SV2B: variants seen among roughly 807,000 people sequenced by gnomAD.
SV2B encodes the protein synaptic vesicle glycoprotein 2B.
In SV2B, 41 loss-of-function variants were observed where a neutral mutation model predicts 73.9. The observed-to-expected ratio is 0.56, with a 90% CI of 0.43 to 0.72. SV2B has a LOEUF of 0.72. SV2B is among the 30% of genes least tolerant of loss of function. The probability of loss-of-function intolerance (pLI) is 0.00; values close to 1 mark genes in which losing one functional copy is unlikely to be tolerated. For synonymous variants in SV2B, 314 were observed against 314.2 expected (o/e 1.00, Z 0.01); for missense variants, 764 against 857.8 (o/e 0.89, Z 1.37).
intron 2 of SV2B, among the ~76,000 whole-genome samples, chr15:91,237,449 A>G (rs373224583): frequency 6.6e-6 from 1 of 152,238 alleles, no homozygotes; most frequent in African/African-American, 2.4e-5. Flanking sequence ...ACTGCACTAG[A>G]TGAATGTCCT....
intron 1 of SV2B, among the ~76,000 whole-genome samples, chr15:91,145,781 A>T (rs2043129787): frequency 6.6e-6 from 1 of 152,194 alleles, no homozygotes; most frequent in Non-Finnish European, 1.5e-5. Flanking sequence ...GGCTGCATTT[A>T]TGTCTTCTTT....
intron 1 of SV2B, among the ~76,000 whole-genome samples, chr15:91,189,975 G>A (rs748572119): frequency 5.3e-5 from 8 of 151,602 alleles, no homozygotes; most frequent in Non-Finnish European, 1.2e-4. Context: ...GCGACAGAGC[G>A]AGACGCCATC....
chr15:91,252,480 G>C lies in SV2B; in HGVS notation c.744G>C (p.Leu248=). The C allele has an allele frequency of 6.2e-7, 1 of 1,613,494 alleles. No individual in the cohort carries two copies. Among genetic ancestry groups the C allele is most frequent in the Non-Finnish European group, 8.5e-7 (1 of 1,179,676 alleles). ...WLGIFWMTGG[L]YASAMAWSII... ...GCATCTTCTGGATGACTGGGGGCCT[G>C]TACGCATCTGCCATGGCCTGGAGCA... The change falls in exon 4 of 13, where the codon CTG becomes CTC. Residue 248 remains leucine, a synonymous_variant. Transcript: ENST00000394232. This position sits in a 1 kb window ranked among gnomAD's most constrained non-coding sequence, Gnocchi z 4.6.
intron 9 of SV2B, among the ~76,000 whole-genome samples, chr15:91,279,771 A>G (rs772277060): frequency 8.5e-5 from 13 of 152,250 alleles, no homozygotes; most frequent in Non-Finnish European, 1.5e-4. Context: ...AAGAAAAGCA[A>G]AGGTCTGCAA....
rs753326986 is a variant in SV2B at position 91,242,476 on chromosome 15, C to T, written c.452-9343C>T. Among the ~76,000 whole-genome samples, 30 of 152,182 alleles carry T rather than the reference C, an allele frequency of 2.0e-4. No homozygotes were observed. Among genetic ancestry groups the T allele is most frequent in the African/African-American group, 5.8e-4 (24 of 41,438 alleles). On this transcript the variant is annotated intron_variant, in intron 2 of 12. Coordinates refer to ENST00000394232, the MANE Select transcript of SV2B (RefSeq NM_001323032.3). This position sits in a 1 kb window ranked among gnomAD's most constrained non-coding sequence, Gnocchi z 4.9. ...GTGGTGGCCTGCTAACTGATCTTTA[C>T]GATTCCACCTGTTGGAGGGAGAGGC...
chr15:91,206,886 A>G (rs999475289), intron 1 of SV2B, among the ~76,000 whole-genome samples: 7 of 152,152 alleles, frequency 4.6e-5, no homozygotes, highest in African/African-American at 1.7e-4. Flanking sequence ...AGGATCTTTT[A>G]TTTGGACACA....
Position 91,193,444 on chromosome 15 carries a change from G to C in SV2B, c.-391-32429G>C, listed in dbSNP as rs181387657. On this transcript the variant is annotated intron_variant, in intron 1 of 12. Transcript: ENST00000394232. ...AAAAACAAAAACAAAATCAGAGCCA[G>C]GGAACCCCCTTTGGGTGATCCAGAC... is the stretch of plus-strand genomic sequence containing the variant. Among the ~76,000 whole-genome samples the C allele has an allele frequency of 7.2e-5, 11 of 152,264 alleles. No homozygotes were observed. The East Asian group carries it at 1.5e-3, about 21-fold the overall frequency.
At chr15:91,180,826 C>T (rs1309423538) in intron 1 of SV2B, among the ~76,000 whole-genome samples, 1 of 152,074 alleles carries the variant, frequency 6.6e-6, no homozygotes, top group Non-Finnish European at 1.5e-5. Context: ...AACTTCTTTG[C>T]CTTTGGTTTG....
chr15:91,262,834 G>C (rs77951693), intron 6 of SV2B, among the ~76,000 whole-genome samples: 4,546 of 152,300 alleles, frequency 0.03, 150 homozygotes, highest in East Asian at 0.093. Context: ...TGCTCCCGCT[G>C]TGCTGCGGGT....
chr15:91,119,352 T>C (rs1334381480), intron 1 of SV2B, among the ~76,000 whole-genome samples: 2 of 152,248 alleles, frequency 1.3e-5, no homozygotes, highest in African/African-American at 4.8e-5. Flanking sequence ...GCAATTCATT[T>C]GTTCTCATGC....
At chr15:91,143,006 G>C (rs758389366) in intron 1 of SV2B, among the ~76,000 whole-genome samples, 16 of 152,224 alleles carry the variant, frequency 1.1e-4, no homozygotes, top group Non-Finnish European at 2.2e-4. Context: ...TGCTGCTTCA[G>C]TGTAAATGAG....
chr15:91,137,628 C>CATATATATTTCATATATACAT lies in SV2B; in HGVS notation c.-392+37271_-392+37272insATTTCATATATACATATATAT, dbSNP rs10671788. Among the ~76,000 whole-genome samples, 1 of 34,894 alleles carries CATATATATTTCATATATACAT rather than the reference C, an allele frequency of 2.9e-5. No individual in the cohort carries two copies. Among genetic ancestry groups the CATATATATTTCATATATACAT allele is most frequent in the African/African-American group, 8.8e-5 (1 of 11,320 alleles). 22.9% of individuals were successfully genotyped at this position (34,894 alleles called of 152,430 possible). On this transcript the variant is annotated intron_variant, in intron 1 of 12. Transcript: ENST00000394232. The surrounding 1 kb of genome is among the most constrained non-coding windows in gnomAD (Gnocchi z 4.9). ...ATTTCATATATATATTTCATATATA[C>CATATATATTTCATATATACAT]ATATATTTCATATATACATATATAT...
At chr15:91,243,667 T>C (rs1246377127) in intron 2 of SV2B, among the ~76,000 whole-genome samples, 1 of 152,188 alleles carries the variant, frequency 6.6e-6, no homozygotes, top group Non-Finnish European at 1.5e-5. Context: ...TCATCTTGGT[T>C]ATCCATCTCC....
chr15:91,250,338 C>A (rs1182406837), intron 2 of SV2B, among the ~76,000 whole-genome samples: 3 of 151,912 alleles, frequency 2.0e-5, no homozygotes, highest in African/African-American at 4.8e-5. Context: ...AAATTCTCAA[C>A]AAATTAGGTA....
At chr15:91,260,536 T>C in intron 6 of SV2B, 127 bp downstream of exon 6, 1 of 624,916 alleles carries the variant, frequency 1.6e-6, no homozygotes, top group Non-Finnish European at 2.6e-6. Context: ...GATATTGCTG[T>C]TACTTTATAA....
Position 91,252,490 on chromosome 15 carries a change from G to T in SV2B, c.754G>T (p.Ala252Ser), listed in dbSNP as rs761968913. 6.2e-7 allele frequency: 1 copy of T among 1,612,630 alleles called. No homozygotes were observed. Among genetic ancestry groups the T allele is most frequent in the Non-Finnish European group, 8.5e-7 (1 of 1,179,258 alleles). Residue 252 changes from alanine to serine, a missense_variant, in exon 4 of 13, where the codon GCC becomes TCC. By Grantham distance (99) the Ala-to-Ser change is moderately conservative. Coordinates refer to ENST00000394232, the MANE Select transcript of SV2B (RefSeq NM_001323032.3). This position sits in a 1 kb window ranked among gnomAD's most constrained non-coding sequence, Gnocchi z 4.6. ...GATGACTGGGGGCCTGTACGCATCT[G>T]CCATGGCCTGGAGCATCATCCCACA... ...FWMTGGLYAS[A>S]MAWSIIPHYG...
chr15:91,244,474 C>T (rs61587320), intron 2 of SV2B, among the ~76,000 whole-genome samples: 2,006 of 152,282 alleles, frequency 0.013, 37 homozygotes, highest in African/African-American at 0.046. Flanking sequence ...TTCCACTAGA[C>T]GACATGTTAA....
Position 91,284,372 on chromosome 15 carries a change from A to T in SV2B, c.1708+151A>T. 1.2e-6 allele frequency: 1 copy of T among 834,582 alleles called. No homozygotes were observed. The allele number at this position is 834,582 out of a possible 1,614,324, so 51.7% of individuals were successfully genotyped here. ...TGCACCCAGGGCTATAGAGCCAAGG[A>T]TGTGTGCCTACAGAAGACTCCAGGG... On this transcript the variant is annotated intron_variant, in intron 11 of 12. Transcript: ENST00000394232. This position sits in a 1 kb window ranked among gnomAD's most constrained non-coding sequence, Gnocchi z 4.5.
intron 1 of SV2B, among the ~76,000 whole-genome samples, chr15:91,167,014 C>T (rs989403869): frequency 1.4e-4 from 22 of 151,996 alleles, no homozygotes; most frequent in African/African-American, 4.3e-4. Context: ...GGGGTTTCAC[C>T]GTGTTATCCA....
Sources: gnomAD v4.1 joint callset for allele counts (sites outside exome capture counted in the v4.1 genomes callset) on GRCh38, gnomAD v4.1.1 for gene constraint, Gnocchi (gnomAD v3.1) non-coding constraint, MANE v1.5 for transcripts, NCBI Gene and HGNC (gene_info 2026-07-23, HGNC 2026-07-21) for gene names.